Variants in RREB1 observed in about 807,000 individuals in gnomAD.
The protein encoded by RREB1 is ras responsive element binding protein 1, also known as ras-responsive element-binding protein 1.
A neutral mutation model predicts 117.8 loss-of-function variants in RREB1; 27 were observed. That is an observed-to-expected ratio of 0.23 (90% CI 0.17 to 0.32). The LOEUF (loss-of-function observed/expected upper bound fraction) is 0.32. Ranked by LOEUF, RREB1 falls within the 10% of genes least tolerant of loss-of-function variation. The pLI, the probability that RREB1 is intolerant of heterozygous loss-of-function variation, is 1.00. For synonymous variants in RREB1, 1,298 were observed against 1,026.7 expected (o/e 1.26, Z -5.05); for missense variants, 2,577 against 2,378.2 (o/e 1.08, Z -1.74).
At chr6:7,151,283 G>C (rs1763111703) in intron 1 of RREB1, among the ~76,000 whole-genome samples, 3 of 152,144 alleles carry the variant, frequency 2.0e-5, no homozygotes, top group African/African-American at 7.2e-5. Context: ...CCAAAGAGAA[G>C]AATTTGATCA....
intron 6 of RREB1, among the ~76,000 whole-genome samples, chr6:7,190,281 A>ATT: frequency 3.9e-5 from 6 of 152,002 alleles, no homozygotes; most frequent in African/African-American, 1.4e-4. Context: ...TTAAAATGAG[A>ATT]TTTTTTTTGT....
At chr6:7,244,578 A>C (rs1768900202) in intron 11 of RREB1, among the ~76,000 whole-genome samples, 1 of 152,230 alleles carries the variant, frequency 6.6e-6, no homozygotes, top group Admixed American at 6.5e-5. Context: ...TGCATATCCC[A>C]GGACTCATAT....
intron 1 of RREB1, among the ~76,000 whole-genome samples, chr6:7,152,120 G>GT (rs1763151729): frequency 6.6e-6 from 1 of 152,240 alleles, no homozygotes; most frequent in African/African-American, 2.4e-5. Flanking sequence ...TTATGGGAGA[G>GT]TGATAGTAAG....
intron 1 of RREB1, among the ~76,000 whole-genome samples, chr6:7,164,997 A>G (rs918263703): frequency 6.6e-6 from 1 of 152,270 alleles, no homozygotes; most frequent in African/African-American, 2.4e-5. Context: ...TGATGAAGAT[A>G]GCTCTTGTGT....
At chr6:7,171,082 C>T (rs1764184059) in intron 1 of RREB1, among the ~76,000 whole-genome samples, 1 of 152,198 alleles carries the variant, frequency 6.6e-6, no homozygotes, top group South Asian at 2.1e-4. Flanking sequence ...GGTGGATCTT[C>T]TCTGCAAGGT....
At chr6:7,216,518 C>T (rs994359379) in intron 8 of RREB1, 1 of 152,230 alleles carries the variant, frequency 6.6e-6, no homozygotes, top group African/African-American at 2.4e-5. Context: ...GAGACCACCC[C>T]CTTCCTGTAT....
intron 8 of RREB1, among the ~76,000 whole-genome samples, chr6:7,223,731 A>T (rs1483144211): frequency 6.6e-6 from 1 of 152,202 alleles, no homozygotes; most frequent in Non-Finnish European, 1.5e-5. Context: ...GTACACACAT[A>T]CACATTCTCA....
At chr6:7,179,654 ACT>A (rs906079336) in intron 2 of RREB1, among the ~76,000 whole-genome samples, 3 of 152,104 alleles carry the variant, frequency 2.0e-5, no homozygotes, top group South Asian at 2.1e-4. Context: ...GGGACTGATG[ACT>A]CTCTTTTTAG....
chr6:7,123,591 G>A (rs1334739240), intron 1 of RREB1, among the ~76,000 whole-genome samples: 1 of 150,190 alleles, frequency 6.7e-6, no homozygotes, highest in Non-Finnish European at 1.5e-5. Context: ...CATCAGTTAG[G>A]CCAGGCCATG....
intron 1 of RREB1, among the ~76,000 whole-genome samples, chr6:7,141,553 A>T (rs1410875313): frequency 1.3e-5 from 2 of 152,240 alleles, no homozygotes; most frequent in African/African-American, 4.8e-5. Context: ...AGACATGAGC[A>T]TGCCCACTCG....
chr6:7,217,833 A>G (rs1046736378), intron 8 of RREB1: 1 of 152,198 alleles, frequency 6.6e-6, no homozygotes, highest in Admixed American at 6.5e-5. Context: ...GTGGCACTCT[A>G]TGGCTATCCC....
chr6:7,230,886 C>G lies in RREB1; in HGVS notation c.2787C>G (p.Asp929Glu), dbSNP rs768005855. The G allele has an allele frequency of 2.5e-6, 4 of 1,614,196 alleles. No homozygotes were observed. Among genetic ancestry groups the G allele is most frequent in the Middle Eastern group, 3.3e-4 (2 of 6,062 alleles). The change falls in exon 10 of 13, where the codon GAC (aspartate) becomes GAG (glutamate). Residue 929 changes from aspartate (D) to glutamate (E), a missense_variant. Asp to Glu is a conservative substitution (Grantham distance 45). Coordinates refer to ENST00000379938, the MANE Select transcript of RREB1 (RefSeq NM_001003699.4). ...FLSPSSLVPY[D>E]CSMEPIDLSI... ...GCCCTTCTTCCCTGGTCCCCTATGA[C>G]TGCTCCATGGAGCCCATCGACCTGT...
intron 1 of RREB1, among the ~76,000 whole-genome samples, chr6:7,168,254 GAAAAA>G (rs574593859): frequency 6.9e-5 from 5 of 72,928 alleles, no homozygotes; most frequent in Admixed American, 6.5e-4. Flanking sequence ...GACTCCGTCT[GAAAAA>G]AAAAAAAAAA....
rs185549733 is a variant in RREB1 at position 7,196,582 on chromosome 6, T to A, written c.425+7260T>A. ...GATAAAGCCTATAACTTACTATACT[T>A]TTTTCTAGTAAATAAATTTACTTGA... On this transcript the variant is annotated intron_variant, in intron 6 of 12. Transcript: ENST00000379938. Among the ~76,000 whole-genome samples the A allele has an allele frequency of 1.2e-4, 18 of 152,282 alleles. No individual in the cohort carries two copies. In the East Asian group the frequency reaches 3.3e-3, roughly 28 times the overall value.
intron 1 of RREB1, among the ~76,000 whole-genome samples, chr6:7,132,321 C>T (rs2113357001): frequency 6.6e-6 from 1 of 152,116 alleles, no homozygotes. Context: ...TTCCAAAGTG[C>T]TGGGATTGCA....
chr6:7,224,160 C>T (rs1767448806), intron 8 of RREB1, among the ~76,000 whole-genome samples: 1 of 152,066 alleles, frequency 6.6e-6, no homozygotes, highest in African/African-American at 2.4e-5. Flanking sequence ...ATAATAAACT[C>T]GATGTACCCT....
chr6:7,242,053 T>C (rs1441808985), intron 11 of RREB1, among the ~76,000 whole-genome samples: 1 of 152,254 alleles, frequency 6.6e-6, no homozygotes, highest in African/African-American at 2.4e-5. Context: ...TGGAACATTT[T>C]CTTTCATCCT....
chr6:7,231,430 G>GCCGCCACCA lies in RREB1; in HGVS notation c.3340_3348dup (p.Thr1114_Thr1116dup). 6.2e-7 allele frequency: 1 copy of GCCGCCACCA among 1,613,106 alleles called. No homozygotes were observed. The highest frequency in any genetic ancestry group is 2.2e-5 in the East Asian group (1 of 44,842). On this transcript the variant is annotated inframe_insertion, in exon 10 of 13. Transcript: ENST00000379938. Reference sequence around the variant, plus strand: ...CAGCTTAGGAGGTTCTGTCCCCAAAGCCGCCACCACCGCCACCCCCGCTGC... The same window carrying GCCGCCACCA: ...CAGCTTAGGAGGTTCTGTCCCCAAAGCCGCCACCACCGCCACCACCGCCACCCCCGCTGC...
chr6:7,129,073 G>A (rs1762053940), intron 1 of RREB1, among the ~76,000 whole-genome samples: 1 of 152,224 alleles, frequency 6.6e-6, no homozygotes, highest in Non-Finnish European at 1.5e-5. Context: ...TAGGCATGGT[G>A]GAGTTTGGTG....
Sources: gnomAD v4.1 joint callset for allele counts (sites outside exome capture counted in the v4.1 genomes callset) on GRCh38, gnomAD v4.1.1 for gene constraint, MANE v1.5 for transcripts, NCBI Gene and HGNC (gene_info 2026-07-23, HGNC 2026-07-21) for gene names.